The following TP63 variants were observed in gnomAD, a reference collection of about 807,000 sequenced individuals.
The protein encoded by TP63 is tumor protein p63, also known as tumor protein 63.
A neutral mutation model predicts 82.8 loss-of-function variants in TP63; 17 were observed. The ratio of observed to expected loss-of-function variants is 0.21; its 90% CI spans 0.14 to 0.31. The LOEUF is 0.31. Among genes scored for constraint, TP63 ranks in the 10% least tolerant of loss-of-function variants. The pLI, the probability that TP63 is intolerant of heterozygous loss-of-function variation, is 1.00. For synonymous variants in TP63, 330 were observed against 321.7 expected (o/e 1.03, Z -0.28); for missense variants, 648 against 895.3 (o/e 0.72, Z 3.52).
intron 1 of TP63, among the ~76,000 whole-genome samples, chr3:189,682,550 AAAAATATATATATATATATATAT>A (rs1161356595): frequency 0.018 from 833 of 45,218 alleles, 24 homozygotes; most frequent in South Asian, 0.033. Context: ...AAAAAAAAAA[AAAAATATATATATATATATATAT>A]ATATATATAT....
At chr3:189,721,374 C>G (rs1165624133) in intron 1 of TP63, among the ~76,000 whole-genome samples, 1 of 152,016 alleles carries the variant, frequency 6.6e-6, no homozygotes, top group Admixed American at 6.6e-5. Flanking sequence ...CCTTCTATTA[C>G]ACATGGGGGA....
chr3:189,609,230 CAT>C, the TP63 span, among the ~76,000 whole-genome samples: 3 of 152,082 alleles, frequency 2.0e-5, no homozygotes, highest in Non-Finnish European at 4.4e-5. Context: ...TTTCATGTAA[CAT>C]AGACAAATTG....
chr3:189,828,667 A>G (rs982706329), intron 4 of TP63, among the ~76,000 whole-genome samples: 4 of 152,210 alleles, frequency 2.6e-5, no homozygotes, highest in Non-Finnish European at 1.5e-5. Flanking sequence ...TTGGTTTAAG[A>G]AGGAAGAAAT....
At chr3:189,783,751 A>G (rs1724394735) in intron 3 of TP63, among the ~76,000 whole-genome samples, 1 of 151,954 alleles carries the variant, frequency 6.6e-6, no homozygotes, top group Non-Finnish European at 1.5e-5. Flanking sequence ...CTAGCACTAA[A>G]GGGAATTAAT....
chr3:189,812,486 T>C (rs1331195912), intron 4 of TP63, among the ~76,000 whole-genome samples: 1 of 152,214 alleles, frequency 6.6e-6, no homozygotes, highest in South Asian at 2.1e-4. Context: ...TGGTCTAGCA[T>C]TGTAGTTGGG....
At chr3:189,767,324 T>C (rs1303157628) in intron 3 of TP63, among the ~76,000 whole-genome samples, 1 of 152,098 alleles carries the variant, frequency 6.6e-6, no homozygotes, top group Non-Finnish European at 1.5e-5. Context: ...ACATAACATG[T>C]TCTTGTTGTT....
intron 1 of TP63, among the ~76,000 whole-genome samples, chr3:189,689,128 T>TTTTTTTTTTTTTTTTC (rs1716704820): frequency 9.4e-6 from 1 of 106,050 alleles, no homozygotes; most frequent in Non-Finnish European, 1.8e-5. Context: ...TTTTTTTTTT[T>TTTTTTTTTTTTTTTTC]TTTTTTGAGA....
chr3:189,811,745 C>G (rs1215305664), intron 4 of TP63, among the ~76,000 whole-genome samples: 4 of 152,174 alleles, frequency 2.6e-5, no homozygotes, highest in Admixed American at 2.6e-4. Context: ...GGTCACATGG[C>G]TAATAACCAG....
At chr3:189,762,340 AC>A (rs1209121054) in intron 3 of TP63, among the ~76,000 whole-genome samples, 1 of 151,622 alleles carries the variant, frequency 6.6e-6, no homozygotes. Flanking sequence ...GTTCAGGGAA[AC>A]CCCTGTGATG....
chr3:189,848,591 A>G (rs1715237458), intron 4 of TP63, among the ~76,000 whole-genome samples: 1 of 152,220 alleles, frequency 6.6e-6, no homozygotes, highest in African/African-American at 2.4e-5. Flanking sequence ...GGGATGACTC[A>G]GTAATAGAAA....
At chr3:189,737,523 T>G (rs1720683822) in intron 1 of TP63, among the ~76,000 whole-genome samples, 1 of 152,184 alleles carries the variant, frequency 6.6e-6, no homozygotes, top group African/African-American at 2.4e-5. Flanking sequence ...GACAAGATTG[T>G]CTAGCATTGG....
chr3:189,703,006 A>C lies in TP63; in HGVS notation c.63-34734A>C, dbSNP rs189179310. On this transcript the variant is annotated intron_variant, in intron 1 of 13. Transcript: ENST00000264731. ...TTTAATCCTCTTGAATCTGCAAGGT[A>C]GGTGCCATTGTCATTTCCATTTTGC... Among the ~76,000 whole-genome samples the C allele has an allele frequency of 1.5e-3, 226 of 152,326 alleles. 1 individual carries two copies. Among genetic ancestry groups the C allele is most frequent in the African/African-American group, 5.1e-3 (212 of 41,574 alleles).
At chr3:189,833,066 A>G (rs1227764369) in intron 4 of TP63, among the ~76,000 whole-genome samples, 1 of 152,206 alleles carries the variant, frequency 6.6e-6, no homozygotes, top group Non-Finnish European at 1.5e-5. Flanking sequence ...ATCGAATCCA[A>G]TTTGCTAAGG....
intron 1 of TP63, among the ~76,000 whole-genome samples, chr3:189,695,362 G>C (rs1717296997): frequency 1.3e-5 from 2 of 151,922 alleles, no homozygotes; most frequent in Non-Finnish European, 2.9e-5. Context: ...TTTTTTGTTT[G>C]TTTGTTTGTT....
At chr3:189,793,521 T>TA (rs1170489750) in intron 3 of TP63, among the ~76,000 whole-genome samples, 1 of 152,084 alleles carries the variant, frequency 6.6e-6, no homozygotes, top group African/African-American at 2.4e-5. Context: ...CATGAGATTT[T>TA]AAAAAGGGAT....
At chr3:189,790,344 A>G (rs1725007249) in intron 3 of TP63, among the ~76,000 whole-genome samples, 1 of 152,070 alleles carries the variant, frequency 6.6e-6, no homozygotes, top group South Asian at 2.1e-4. Flanking sequence ...GTCAATCCAG[A>G]GACCCACCTA....
At chr3:189,804,927 C>T (rs567098281) in intron 3 of TP63, among the ~76,000 whole-genome samples, 1 of 152,184 alleles carries the variant, frequency 6.6e-6, no homozygotes, top group African/African-American at 2.4e-5. Flanking sequence ...GCTGATTTCT[C>T]ATCAATCCTA....
At chr3:189,875,589 C>CATATATATATATATATATAT (rs779050433) in intron 10 of TP63, among the ~76,000 whole-genome samples, 4 of 44,424 alleles carry the variant, frequency 9.0e-5, no homozygotes, top group African/African-American at 3.2e-4. Context: ...AAAAAAAATA[C>CATATATATATATATATATAT]ATACATATAT....
chr3:189,755,920 T>C (rs966096992), intron 3 of TP63, among the ~76,000 whole-genome samples: 6 of 152,200 alleles, frequency 3.9e-5, no homozygotes, highest in African/African-American at 1.4e-4. Context: ...TTGTGGTCTA[T>C]GGAAGGGATA....
Sources: gnomAD v4.1 joint callset for allele counts (sites outside exome capture counted in the v4.1 genomes callset) on GRCh38, gnomAD v4.1.1 for gene constraint, MANE v1.5 for transcripts, NCBI Gene and HGNC (gene_info 2026-07-23, HGNC 2026-07-21) for gene names.